SLC4A10: variants seen among roughly 807,000 people sequenced by gnomAD.
The protein encoded by SLC4A10 is solute carrier family 4 member 10, also known as sodium-driven chloride bicarbonate exchanger.
A neutral mutation model predicts 137.7 loss-of-function variants in SLC4A10; 42 were observed. The ratio of observed to expected loss-of-function variants is 0.30; its 90% CI spans 0.24 to 0.39. The LOEUF (loss-of-function observed/expected upper bound fraction) is 0.39, where lower values mean the gene tolerates loss of function less well. Ranked by LOEUF, SLC4A10 falls within the 10% of genes least tolerant of loss-of-function variation. The probability of loss-of-function intolerance (pLI) is 1.00; values close to 1 mark genes in which losing one functional copy is unlikely to be tolerated. For missense variants in SLC4A10, 925 were observed against 1,355.0 expected (o/e 0.68, Z 4.98); for synonymous variants, 474 against 464.1 (o/e 1.02, Z -0.27).
In SLC4A10 at chr2:161,631,485, T is replaced by C. The variant is rs577989680; in HGVS notation, c.48+6919T>C. On this transcript the variant is annotated intron_variant, in intron 1 of 26. Coordinates refer to ENST00000446997, the MANE Select transcript of SLC4A10 (RefSeq NM_001178015.2). ...CCACAAGAAATTCTTTACCACAAAT[T>C]TGATTCTGTTTGTCAAGATAATGCT... Among the ~76,000 whole-genome samples, 16 of 151,686 alleles carry C rather than the reference T, an allele frequency of 1.1e-4. 1 individual carries two copies. The highest frequency in any genetic ancestry group is 3.9e-4 in the African/African-American group (16 of 41,468).
At chr2:161,972,024 G>T (rs1698620576) in intron 23 of SLC4A10, among the ~76,000 whole-genome samples, 1 of 152,130 alleles carries the variant, frequency 6.6e-6, no homozygotes, top group Admixed American at 6.5e-5. Flanking sequence ...TTCGTTTTCT[G>T]CTGCCAGGTA....
At chr2:161,886,405 G>A (rs576016701) in intron 10 of SLC4A10, among the ~76,000 whole-genome samples, 1 of 152,198 alleles carries the variant, frequency 6.6e-6, no homozygotes, top group South Asian at 2.1e-4. Flanking sequence ...TTAAAGAAGT[G>A]TTGGTTCAAT....
At chr2:161,718,857 G>T (rs759611452) in intron 1 of SLC4A10, among the ~76,000 whole-genome samples, 1 of 151,980 alleles carries the variant, frequency 6.6e-6, no homozygotes, top group Non-Finnish European at 1.5e-5. Flanking sequence ...ATTTTCTGTC[G>T]TGATGATGAG....
At chr2:161,748,775 T>C (rs1208567345) in intron 1 of SLC4A10, among the ~76,000 whole-genome samples, 1 of 152,110 alleles carries the variant, frequency 6.6e-6, no homozygotes, top group East Asian at 1.9e-4. Context: ...TCTCTTGTGG[T>C]TCCATATGAA....
rs548521596 is a variant in SLC4A10, at chr2:161,655,031, G to T, written c.48+30465G>T. Among the ~76,000 whole-genome samples, 170 of 152,164 alleles carry T rather than the reference G, an allele frequency of 1.1e-3. 2 individuals are homozygous for T. The South Asian group carries it at 0.02, about 18-fold the overall frequency. On this transcript the variant is annotated intron_variant, in intron 1 of 26. Coordinates refer to ENST00000446997, the MANE Select transcript of SLC4A10 (RefSeq NM_001178015.2). ...ACACAGGATATCTTTCCATTTGTTT[G>T]TGTCTTTTAAACTTTCCTTCTTCAA...
At chr2:161,695,199 C>T (rs888394071) in intron 1 of SLC4A10, among the ~76,000 whole-genome samples, 4 of 151,932 alleles carry the variant, frequency 2.6e-5, no homozygotes, top group Non-Finnish European at 4.4e-5. Context: ...TTCAATCTTC[C>T]TTTATTCTGT....
chr2:161,761,399 T>C (rs1460212357), intron 1 of SLC4A10, among the ~76,000 whole-genome samples: 2 of 151,870 alleles, frequency 1.3e-5, no homozygotes, highest in Non-Finnish European at 2.9e-5. Flanking sequence ...ATGAGCAAAT[T>C]AACATGAAGA....
At chr2:161,846,671 A>ATG (rs1280647842) in intron 4 of SLC4A10, among the ~76,000 whole-genome samples, 1 of 152,214 alleles carries the variant, frequency 6.6e-6, no homozygotes, top group Non-Finnish European at 1.5e-5. Flanking sequence ...GATACACACA[A>ATG]TAACTTGAAT....
At position 161,957,132 on chromosome 2, in the gene SLC4A10, A is replaced by C; in HGVS notation, c.2685A>C (p.Ser895=). ...GCCTAAAACTGGAATCAGAATGCTC[A>C]GCTCCAGGAGAACAACCCAAATTTC... The part of the protein sequence containing the change: ...VNSLKLESEC[S]APGEQPKFLG... Residue 895 remains serine, a synonymous_variant, in exon 20 of 27, where the codon TCA becomes TCC. Coordinates refer to ENST00000446997, the MANE Select transcript of SLC4A10 (RefSeq NM_001178015.2). 1 of 1,613,764 alleles carries C rather than the reference A, an allele frequency of 6.2e-7. No individual in the cohort carries two copies. The highest frequency in any genetic ancestry group is 1.1e-5 in the South Asian group (1 of 91,040).
intron 1 of SLC4A10, among the ~76,000 whole-genome samples, chr2:161,626,153 G>A (rs1348805680): frequency 6.6e-6 from 1 of 152,066 alleles, no homozygotes; most frequent in African/African-American, 2.4e-5. Context: ...GGAAGGTTTA[G>A]GGAAACCCCC....
chr2:161,682,101 C>A (rs2040917876), intron 1 of SLC4A10, among the ~76,000 whole-genome samples: 1 of 152,064 alleles, frequency 6.6e-6, no homozygotes. Context: ...ATGGCAGTCC[C>A]AAAATGTATT....
At chr2:161,964,390 GAAC>G in intron 22 of SLC4A10, 82 bp downstream of exon 22, 1 of 1,364,412 alleles carries the variant, frequency 7.3e-7, no homozygotes. Flanking sequence ...ATTGAAACTG[GAAC>G]AACAGAGTCA....
At chr2:161,701,157 G>C (rs553603986) in intron 1 of SLC4A10, among the ~76,000 whole-genome samples, 1 of 151,986 alleles carries the variant, frequency 6.6e-6, no homozygotes, top group Non-Finnish European at 1.5e-5. Flanking sequence ...ACCAGGATTT[G>C]AAATTGGTAG....
chr2:161,934,347 A>G (rs1346542037), intron 15 of SLC4A10, among the ~76,000 whole-genome samples: 1 of 151,714 alleles, frequency 6.6e-6, no homozygotes, highest in African/African-American at 2.4e-5. Context: ...GATAACCATC[A>G]TTATACTTTT....
chr2:161,652,863 T>TTTTA (rs397700198), intron 1 of SLC4A10, among the ~76,000 whole-genome samples: 17 of 151,632 alleles, frequency 1.1e-4, no homozygotes, highest in African/African-American at 4.1e-4. Context: ...TCTTTTCTTT[T>TTTTA]AAGTATATTT....
At position 161,912,716 on chromosome 2, in the gene SLC4A10, T is replaced by A. The variant is rs150755210; in HGVS notation, c.1997+6829T>A. On this transcript the variant is annotated intron_variant, in intron 15 of 26. Coordinates refer to ENST00000446997, the MANE Select transcript of SLC4A10 (RefSeq NM_001178015.2). Reference sequence around the variant, plus strand: ...GTCAACACTGATGCTTTGCTGAATGTCAGAAATGGATTTTCATGGGCAATA... The same window carrying A: ...GTCAACACTGATGCTTTGCTGAATGACAGAAATGGATTTTCATGGGCAATA... Among the ~76,000 whole-genome samples, 67 of 152,248 alleles carry A rather than the reference T, an allele frequency of 4.4e-4. 1 individual carries two copies. The highest frequency in any genetic ancestry group is 9.0e-4 in the Non-Finnish European group (61 of 67,972).
chr2:161,968,741 A>G (rs1349172931), intron 23 of SLC4A10, among the ~76,000 whole-genome samples: 1 of 152,246 alleles, frequency 6.6e-6, no homozygotes, highest in East Asian at 1.9e-4. Context: ...TCCATCGAAC[A>G]GGAAAGAAAA....
intron 1 of SLC4A10, among the ~76,000 whole-genome samples, chr2:161,716,178 GT>G (rs35632198): frequency 0.82 from 120,438 of 146,304 alleles, 49,474 homozygotes; most frequent in Middle Eastern, 0.86. Flanking sequence ...TTTTTGATGG[GT>G]TTTTTTTTTT....
chr2:161,681,451 C>T (rs1164037538), intron 1 of SLC4A10, among the ~76,000 whole-genome samples: 1 of 152,102 alleles, frequency 6.6e-6, no homozygotes, highest in Non-Finnish European at 1.5e-5. Flanking sequence ...TCTAAGTCTT[C>T]TGAATTTTAA....
Sources: gnomAD v4.1 joint callset for allele counts (sites outside exome capture counted in the v4.1 genomes callset) on GRCh38, gnomAD v4.1.1 for gene constraint, MANE v1.5 for transcripts, NCBI Gene and HGNC (gene_info 2026-07-23, HGNC 2026-07-21) for gene names.